Variants in HECW1 observed in about 807,000 individuals in gnomAD.
HECW1 encodes E3 ubiquitin-protein ligase HECW1.
HECW1 carries 61 observed loss-of-function variants against 182.3 expected under a neutral mutation model. The ratio of observed to expected loss-of-function variants is 0.33; its 90% CI spans 0.27 to 0.41. The LOEUF is 0.41. Ranked by LOEUF, HECW1 falls within the 10% of genes least tolerant of loss-of-function variation. The probability of loss-of-function intolerance (pLI) is 1.00; values close to 1 mark genes in which losing one functional copy is unlikely to be tolerated. For missense variants in HECW1, 1,739 were observed against 2,108.9 expected (o/e 0.82, Z 3.44); for synonymous variants, 859 against 832.6 (o/e 1.03, Z -0.55).
In HECW1 at chr7:43,552,391, T is replaced by G; in HGVS notation, c.4510+55T>G. ...TGATCACAAATAGAACTCAGCACTT[T>G]CCAAAAGATTGTTTTGTTGAGGTGA... is the stretch of plus-strand genomic sequence containing the variant. On this transcript the variant is annotated intron_variant, in intron 28 of 29. Coordinates refer to ENST00000395891, the MANE Select transcript of HECW1 (RefSeq NM_015052.5). 2.7e-6 allele frequency: 3 copies of G among 1,111,000 alleles called. No homozygotes were observed. The South Asian group carries it at 3.7e-5, about 14-fold the overall frequency. The allele number at this position is 1,111,000 out of a possible 1,614,324, so 68.8% of individuals were successfully genotyped here.
At chr7:43,274,084 C>T in intron 3 of HECW1, 2 of 360,790 alleles carry the variant, frequency 5.5e-6, no homozygotes, top group Non-Finnish European at 9.9e-6. Context: ...CTCCTGACCT[C>T]AGTTGATCCA....
intron 7 of HECW1, among the ~76,000 whole-genome samples, chr7:43,403,727 T>G (rs1415052016): frequency 6.6e-6 from 1 of 152,132 alleles, no homozygotes; most frequent in Non-Finnish European, 1.5e-5. Context: ...TTGGATGCAG[T>G]AATGAATATG....
intron 17 of HECW1, among the ~76,000 whole-genome samples, chr7:43,481,843 A>G (rs1341712738): frequency 6.6e-6 from 1 of 151,884 alleles, no homozygotes; most frequent in Non-Finnish European, 1.5e-5. Flanking sequence ...AAAATTAGTC[A>G]GGCATGGTGG....
At chr7:43,278,590 A>G (rs68053238) in intron 3 of HECW1, among the ~76,000 whole-genome samples, 8,739 of 152,070 alleles carry the variant, frequency 0.057, 339 homozygotes, top group African/African-American at 0.11. Flanking sequence ...CCGAGGCTCT[A>G]TGTGATCTGA....
intron 3 of HECW1, among the ~76,000 whole-genome samples, chr7:43,291,147 C>A (rs1232372315): frequency 6.6e-6 from 1 of 152,202 alleles, no homozygotes; most frequent in Non-Finnish European, 1.5e-5. Context: ...AGCACTCGAA[C>A]ATAAATTTAG....
intron 12 of HECW1, 44 bp downstream of exon 12, chr7:43,450,973 A>C: frequency 1.5e-6 from 2 of 1,291,760 alleles, no homozygotes; most frequent in Non-Finnish European, 2.2e-6. Flanking sequence ...TCTTCCTATC[A>C]AGTCTAAGCA....
At chr7:43,177,478 C>A (rs565284787) in intron 2 of HECW1, among the ~76,000 whole-genome samples, 61 of 152,292 alleles carry the variant, frequency 4.0e-4, no homozygotes, top group African/African-American at 1.3e-3. Flanking sequence ...AGTGTATTCC[C>A]CACAGTCATC....
chr7:43,414,050 T>C (rs1007791675), intron 8 of HECW1, among the ~76,000 whole-genome samples: 4 of 151,766 alleles, frequency 2.6e-5, no homozygotes, highest in African/African-American at 4.8e-5. Context: ...CTGGGCAGTA[T>C]GGCCATTTTC....
intron 2 of HECW1, among the ~76,000 whole-genome samples, chr7:43,182,606 C>G (rs1792975935): frequency 6.6e-6 from 1 of 152,128 alleles, no homozygotes. Flanking sequence ...CAACTTTGTT[C>G]TTTTTTCTCA....
At chr7:43,460,419 G>A (rs958247307) in intron 13 of HECW1, among the ~76,000 whole-genome samples, 1 of 152,142 alleles carries the variant, frequency 6.6e-6, no homozygotes, top group African/African-American at 2.4e-5. Context: ...TCTCCCATGT[G>A]AATTGTCTGT....
At chr7:43,450,801 T>C in intron 11 of HECW1, 27 bp from the exon 12 acceptor site, 3 of 1,402,552 alleles carry the variant, frequency 2.1e-6, no homozygotes, top group Non-Finnish European at 3.0e-6. Flanking sequence ...TGAATGAATC[T>C]GAATGTATTG....
intron 4 of HECW1, among the ~76,000 whole-genome samples, chr7:43,319,774 A>ATTTTTT (rs1809856358): frequency 1.4e-5 from 1 of 71,904 alleles, no homozygotes; most frequent in East Asian, 4.6e-4. Flanking sequence ...TAATTTTTGT[A>ATTTTTT]ATTTTTTTTT....
At position 43,561,834 on chromosome 7, in the gene HECW1, C is replaced by T. The variant is rs1264840041; in HGVS notation, c.4729C>T (p.Arg1577Ter). Residue 1577 changes from arginine to a stop codon, truncating the protein, a stop_gained, in exon 30 of 30, where the codon CGA becomes TGA. Coordinates refer to ENST00000395891, the MANE Select transcript of HECW1 (RefSeq NM_015052.5). LOFTEE classifies it high-confidence loss of function. Reference protein sequence around the residue: ...SLPRAHTCFNRLDLPPYPSYS... With the variant: ...SLPRAHTCFN Reference sequence around the variant, plus strand: ...ATTCAGGGCACACACATGCTTCAACCGACTGGATCTTCCACCGTATCCCTC... The same window carrying T: ...ATTCAGGGCACACACATGCTTCAACTGACTGGATCTTCCACCGTATCCCTC... 1 of 1,613,444 alleles carries T rather than the reference C, an allele frequency of 6.2e-7. No individual in the cohort carries two copies.
At chr7:43,259,784 A>G (rs1443065877) in intron 3 of HECW1, among the ~76,000 whole-genome samples, 2 of 152,226 alleles carry the variant, frequency 1.3e-5, no homozygotes, top group Non-Finnish European at 2.9e-5. Flanking sequence ...ACAGGGAAAA[A>G]AAATATTTAA....
intron 8 of HECW1, among the ~76,000 whole-genome samples, chr7:43,424,373 A>G (rs1296440178): frequency 1.3e-5 from 2 of 152,198 alleles, no homozygotes; most frequent in African/African-American, 2.4e-5. Context: ...TAATCCCAAC[A>G]CTTTGGGAAG....
intron 3 of HECW1, among the ~76,000 whole-genome samples, chr7:43,285,381 G>A (rs1455554553): frequency 6.6e-6 from 1 of 152,184 alleles, no homozygotes; most frequent in African/African-American, 2.4e-5. Flanking sequence ...TGCATCCCAG[G>A]TTGGCAACCA....
At chr7:43,187,505 T>G (rs544352033) in intron 2 of HECW1, among the ~76,000 whole-genome samples, 1 of 151,794 alleles carries the variant, frequency 6.6e-6, no homozygotes. Flanking sequence ...CATTATATTA[T>G]CTATATTTTA....
chr7:43,449,978 G>T (rs1322635427), intron 11 of HECW1, among the ~76,000 whole-genome samples: 1 of 152,194 alleles, frequency 6.6e-6, no homozygotes, highest in African/African-American at 2.4e-5. Context: ...AACAGTATAA[G>T]CTATGTCTGT....
intron 8 of HECW1, among the ~76,000 whole-genome samples, chr7:43,426,485 C>A (rs1302323396): frequency 6.6e-6 from 1 of 152,148 alleles, no homozygotes; most frequent in Admixed American, 6.5e-5. Flanking sequence ...GCCTGGAAGA[C>A]ATATTTTAGT....
Sources: gnomAD v4.1 joint callset for allele counts (sites outside exome capture counted in the v4.1 genomes callset) on GRCh38, gnomAD v4.1.1 for gene constraint, MANE v1.5 for transcripts, NCBI Gene and HGNC (gene_info 2026-07-23, HGNC 2026-07-21) for gene names.